The following SEL1L3 variants were observed in gnomAD, a reference collection of about 807,000 sequenced individuals.
SEL1L3 encodes the protein SEL1L family member 3, also known as protein sel-1 homolog 3.
SEL1L3 carries 76 observed loss-of-function variants against 142.8 expected under a neutral mutation model. That is an observed-to-expected ratio of 0.53 (90% CI 0.44 to 0.64). The LOEUF (loss-of-function observed/expected upper bound fraction) is 0.64. SEL1L3 is among the 30% of genes least tolerant of loss of function. The probability of loss-of-function intolerance (pLI) is 0.00; values close to 1 mark genes in which losing one functional copy is unlikely to be tolerated. For missense variants in SEL1L3, 1,262 were observed against 1,381.7 expected (o/e 0.91, Z 1.37); for synonymous variants, 504 against 519.6 (o/e 0.97, Z 0.41).
Position 25,804,610 on chromosome 4 carries a change from G to C in SEL1L3, c.1707C>G (p.Tyr569Ter). 1 of 1,613,934 alleles carries C rather than the reference G, an allele frequency of 6.2e-7. No individual in the cohort carries two copies. Among genetic ancestry groups the C allele is most frequent in the Non-Finnish European group, 8.5e-7 (1 of 1,179,854 alleles). Reference protein sequence around the residue: ...PFLTDSSCCGYHKASYYLAVF... With the variant: ...PFLTDSSCCG ...CTGCAAGGTAGTAGGATGCTTTATG[G>C]TATCCACAGCAGCTGGAATCCGTCA... The change falls in exon 10 of 24, where the codon TAC becomes TAG. Residue 569 changes from tyrosine to a stop codon, truncating the protein, a stop_gained. Coordinates refer to ENST00000399878, the MANE Select transcript of SEL1L3 (RefSeq NM_015187.5). LOFTEE classifies it high-confidence loss of function.
chr4:25,785,418 G>A (rs986117363), intron 13 of SEL1L3, among the ~76,000 whole-genome samples: 1 of 152,148 alleles, frequency 6.6e-6, no homozygotes, highest in Admixed American at 6.5e-5. Flanking sequence ...ATCCAAGCTT[G>A]TAACCACCGC....
At chr4:25,842,430 T>G (rs946171293) in intron 2 of SEL1L3, among the ~76,000 whole-genome samples, 1 of 152,034 alleles carries the variant, frequency 6.6e-6, no homozygotes, top group South Asian at 2.1e-4. Context: ...GAAAAGAAAC[T>G]GCTTTAGCAA....
At chr4:25,738,523 C>T in the SEL1L3 span, among the ~76,000 whole-genome samples, 5 of 152,152 alleles carry the variant, frequency 3.3e-5, no homozygotes, top group Non-Finnish European at 7.4e-5. Context: ...TCTAAAGTCA[C>T]AGTGAAAGCA....
chr4:25,802,194 C>G, intron 11 of SEL1L3, 89 bp downstream of exon 11: 1 of 1,220,226 alleles, frequency 8.2e-7, no homozygotes, highest in Non-Finnish European at 1.1e-6. Flanking sequence ...CTCTGAAGGC[C>G]AACTACAAAA....
rs1560355751 is a variant in SEL1L3, at chr4:25,847,824, G to A, written c.203C>T (p.Thr68Ile). ...PSLGRQTSLT[T>I]SVIPKAEQSV... ...CTGCTCAGCTTTGGGTATCACTGAT[G>A]TCGTCAGGGAAGTCTGCCTACCCAA... is the stretch of plus-strand genomic sequence containing the variant. Residue 68 changes from threonine to isoleucine, a missense_variant, in exon 2 of 24, where the codon ACA (threonine) becomes ATA (isoleucine). By Grantham distance (89) the Thr-to-Ile change is moderately conservative (BLOSUM62 -1). This residue lies in a region of SEL1L3 where 689 missense variants were observed against 692.8 expected (regional missense o/e 0.99). Transcript: ENST00000399878. 3 of 1,602,566 alleles carry A rather than the reference G, an allele frequency of 1.9e-6. No homozygotes were observed. Among genetic ancestry groups the A allele is most frequent in the Non-Finnish European group, 2.6e-6 (3 of 1,175,028 alleles).
the SEL1L3 span, among the ~76,000 whole-genome samples, chr4:25,722,267 GTC>G: frequency 1.3e-5 from 2 of 152,162 alleles, no homozygotes; most frequent in East Asian, 1.9e-4. Flanking sequence ...GATGATAAGA[GTC>G]TCTCTTCTCT....
At chr4:25,752,437 A>G (rs1717666866) in intron 23 of SEL1L3, among the ~76,000 whole-genome samples, 1 of 151,642 alleles carries the variant, frequency 6.6e-6, no homozygotes, top group African/African-American at 2.4e-5. Flanking sequence ...AAAAAAAAAA[A>G]AGTTGAATGT....
rs374467708 is a variant in SEL1L3 at position 25,798,948 on chromosome 4, C to T, written c.1956+3335G>A. Among the ~76,000 whole-genome samples the T allele has an allele frequency of 5.5e-4, 83 of 152,266 alleles. 2 individuals carry two copies. Among genetic ancestry groups the T allele is most frequent in the African/African-American group, 1.9e-3 (77 of 41,550 alleles). ...GAAATTTTCTGATAGTCCTAGAGGC[C>T]GGAAGTTCCTAATGAAGGTGTTGGA... On this transcript the variant is annotated intron_variant, in intron 11 of 23. Transcript: ENST00000399878.
At chr4:25,730,350 T>A in the SEL1L3 span, among the ~76,000 whole-genome samples, 1 of 152,298 alleles carries the variant, frequency 6.6e-6, no homozygotes, top group African/African-American at 2.4e-5. Context: ...TTTTATTATT[T>A]TTTTTTTGAG....
At chr4:25,847,085 T>C (rs1304732727) in intron 2 of SEL1L3, among the ~76,000 whole-genome samples, 1 of 152,130 alleles carries the variant, frequency 6.6e-6, no homozygotes, top group Admixed American at 6.6e-5. Context: ...CTTTCATCTT[T>C]GGTCCTGCTC....
intron 20 of SEL1L3, among the ~76,000 whole-genome samples, chr4:25,762,101 A>G (rs1199963170): frequency 6.6e-6 from 1 of 152,202 alleles, no homozygotes; most frequent in African/African-American, 2.4e-5. Context: ...GGTTTGCACC[A>G]CCACGCCCAG....
chr4:25,735,052 T>C, the SEL1L3 span, among the ~76,000 whole-genome samples: 1 of 152,170 alleles, frequency 6.6e-6, no homozygotes, highest in East Asian at 1.9e-4. Context: ...ATAGATTCAG[T>C]TTGTGTACAG....
At chr4:25,842,836 A>C (rs1303360772) in intron 2 of SEL1L3, among the ~76,000 whole-genome samples, 3 of 152,278 alleles carry the variant, frequency 2.0e-5, no homozygotes, top group Non-Finnish European at 4.4e-5. Context: ...ATAGGCACAT[A>C]GGCAACTAAA....
At chr4:25,733,009 G>C in the SEL1L3 span, among the ~76,000 whole-genome samples, 1 of 151,940 alleles carries the variant, frequency 6.6e-6, no homozygotes, top group Non-Finnish European at 1.5e-5. Context: ...GCCTCCCAAA[G>C]TGCTGGGATT....
intron 23 of SEL1L3, chr4:25,757,001 C>T: frequency 1.0e-5 from 12 of 1,165,692 alleles, no homozygotes; most frequent in African/African-American, 3.2e-5. Flanking sequence ...GGTGCAGTGG[C>T]CCACGCCTGT....
chr4:25,752,782 C>T (rs57826732), intron 23 of SEL1L3, among the ~76,000 whole-genome samples: 5,449 of 152,172 alleles, frequency 0.036, 117 homozygotes, highest in African/African-American at 0.06. Context: ...CACCATGCCC[C>T]GCTAATTTTT....
At chr4:25,781,354 A>G (rs1719988269) in intron 15 of SEL1L3, among the ~76,000 whole-genome samples, 1 of 152,084 alleles carries the variant, frequency 6.6e-6, no homozygotes, top group Non-Finnish European at 1.5e-5. Context: ...AGCGGAGCTC[A>G]GGACCAGGCA....
rs753923209 is a variant in SEL1L3, at chr4:25,756,935, A to C, written c.3259+599T>G. On this transcript the variant is annotated intron_variant, in intron 23 of 23. Coordinates refer to ENST00000399878, the MANE Select transcript of SEL1L3 (RefSeq NM_015187.5). Reference sequence around the variant, plus strand: ...TGACAGATAAATTTTCAATGGAAGAAATTGTATTAGGTCAGTTTCTTAGGC... The same window carrying C: ...TGACAGATAAATTTTCAATGGAAGACATTGTATTAGGTCAGTTTCTTAGGC... 93 of 1,277,834 alleles carry C rather than the reference A, an allele frequency of 7.3e-5. 3 individuals carry two copies. In the South Asian group the frequency reaches 1.1e-3, roughly 16 times the overall value. 79.2% of individuals were successfully genotyped at this position (1,277,834 alleles called of 1,614,324 possible). A position where few individuals can be genotyped will look rare whatever the true frequency, so the allele number is the denominator to read the frequency against.
intron 6 of SEL1L3, among the ~76,000 whole-genome samples, chr4:25,824,159 C>A (rs900947315): frequency 1.3e-5 from 2 of 152,158 alleles, no homozygotes; most frequent in Admixed American, 6.5e-5. Context: ...CTGAGAGTTG[C>A]GAACTGAGTC....
Sources: gnomAD v4.1 joint callset for allele counts (sites outside exome capture counted in the v4.1 genomes callset) on GRCh38, gnomAD v4.1.1 for gene constraint, gnomAD v4.1.1 regional missense constraint, MANE v1.5 for transcripts, NCBI Gene and HGNC (gene_info 2026-07-23, HGNC 2026-07-21) for gene names.